Variants in RASSF5 observed in about 807,000 individuals in gnomAD.
RASSF5 encodes ras association domain-containing protein 5.
In RASSF5, 25 loss-of-function variants were observed where a neutral mutation model predicts 40.5. That is an observed-to-expected ratio of 0.62 (90% confidence interval 0.45 to 0.86). The LOEUF (loss-of-function observed/expected upper bound fraction) is 0.86, where lower values mean the gene tolerates loss of function less well. RASSF5 is among the 40% of genes least tolerant of loss of function. RASSF5 has a pLI of 0.00. For synonymous variants in RASSF5, 246 were observed against 252.4 expected, an observed-to-expected ratio of 0.97 and a Z score of 0.24; for missense variants, 521 against 572.8, an observed-to-expected ratio of 0.91 and a Z score of 0.92.
chr1:206,547,442 C>G, intron 2 of RASSF5, among the ~76,000 whole-genome samples: 1 of 151,756 alleles, frequency 6.6e-6, no homozygotes, highest in Non-Finnish European at 1.5e-5. Flanking sequence ...ACTGCGCATG[C>G]GAGGGATCTA....
intron 2 of RASSF5, among the ~76,000 whole-genome samples, chr1:206,550,336 AC>A (rs1344906974): frequency 2.6e-5 from 4 of 152,172 alleles, no homozygotes; most frequent in African/African-American, 9.7e-5. Context: ...CCTGATTCGT[AC>A]TAGTTCATTT....
chr1:206,567,525 C>A (rs1668321113), intron 2 of RASSF5, among the ~76,000 whole-genome samples: 1 of 152,106 alleles, frequency 6.6e-6, no homozygotes, highest in African/African-American at 2.4e-5. Flanking sequence ...CTGAAGGGAG[C>A]CTGTCCCTGG....
At chr1:206,538,831 A>G (rs1201256908) in intron 2 of RASSF5, among the ~76,000 whole-genome samples, 2 of 152,370 alleles carry the variant, frequency 1.3e-5, no homozygotes, top group African/African-American at 4.8e-5. Context: ...GAATGGAGAC[A>G]GAGGAGTGTG....
At chr1:206,551,483 G>A (rs879960215) in intron 2 of RASSF5, among the ~76,000 whole-genome samples, 1 of 152,222 alleles carries the variant, frequency 6.6e-6, no homozygotes, top group East Asian at 1.9e-4. Context: ...GAAGCCAGAA[G>A]TGCTGGCCAA....
intron 2 of RASSF5, among the ~76,000 whole-genome samples, chr1:206,569,371 A>C (rs116586747): frequency 0.011 from 1,668 of 152,318 alleles, 32 homozygotes; most frequent in African/African-American, 0.038. Context: ...TGGCTAGCCA[A>C]GGTGGTCTTG....
At chr1:206,545,354 T>G (rs1265995201) in intron 2 of RASSF5, among the ~76,000 whole-genome samples, 4 of 151,468 alleles carry the variant, frequency 2.6e-5, no homozygotes, top group South Asian at 2.1e-4. Context: ...TGTTTTTTTT[T>G]TTTTTTTTTT....
intron 1 of RASSF5, among the ~76,000 whole-genome samples, chr1:206,520,538 C>T (rs1558496865): frequency 1.3e-5 from 2 of 148,380 alleles, no homozygotes; most frequent in East Asian, 2.0e-4. Flanking sequence ...ATCCGGGAGG[C>T]GGAGGTTGCA....
rs533710674 is a variant in RASSF5 at position 206,518,327 on chromosome 1, C to T, written c.457+10268C>T. 195 of 397,816 alleles carry T rather than the reference C, an allele frequency of 4.9e-4. 1 individual carries two copies. The highest frequency in any genetic ancestry group is 3.9e-3 in the African/African-American group (189 of 48,734). 24.6% of individuals were successfully genotyped at this position (397,816 alleles called of 1,614,324 possible). A position where few individuals can be genotyped will look rare whatever the true frequency, so the allele number is the denominator to read the frequency against. On this transcript the variant is annotated intron_variant, in intron 1 of 5. Coordinates refer to ENST00000579436, the MANE Select transcript of RASSF5 (RefSeq NM_182663.4). The stretch of plus-strand genomic sequence containing the variant: ...CAGGGCCCTCCCCGGAGCCCTCCCC[C>T]ACCCGGCACTCCACCCCTGACGCCA...
At chr1:206,557,557 C>G (rs1209061507) in intron 2 of RASSF5, 13 of 1,613,274 alleles carry the variant, frequency 8.1e-6, no homozygotes, top group Non-Finnish European at 1.1e-5. Flanking sequence ...CGGCCTCGGC[C>G]GGGAACTCCG....
intron 2 of RASSF5, among the ~76,000 whole-genome samples, chr1:206,548,548 G>T (rs1553400588): frequency 6.6e-6 from 1 of 152,122 alleles, no homozygotes; most frequent in Non-Finnish European, 1.5e-5. Flanking sequence ...TAACATGAGG[G>T]GTCAGATTTC....
At position 206,535,582 on chromosome 1, in the gene RASSF5, A is replaced by G. The variant is rs17006638; in HGVS notation, c.458-2590A>G. On this transcript the variant is annotated intron_variant, in intron 1 of 5. Transcript: ENST00000579436. The surrounding 1 kb of genome is among the most constrained non-coding windows in gnomAD (Gnocchi z 5.0). ...CTGTGATTACATGGTCCGATGGAAC[A>G]AAGTCTTTGGTGCTCAAACATGCTT... 9.9e-3 allele frequency among the ~76,000 whole-genome samples: 1,504 copies of G among 152,302 alleles called. 25 individuals are homozygous for G. Among genetic ancestry groups the G allele is most frequent in the African/African-American group, 0.034 (1,427 of 41,552 alleles).
At chr1:206,549,277 C>CA (rs1667776251) in intron 2 of RASSF5, among the ~76,000 whole-genome samples, 1 of 152,104 alleles carries the variant, frequency 6.6e-6, no homozygotes, top group East Asian at 1.9e-4. Context: ...CCATCAAAGG[C>CA]ATTGTAAATT....
rs79890988 is a variant in RASSF5, at chr1:206,578,686, C to T, written c.580-4583C>T. On this transcript the variant is annotated intron_variant, in intron 2 of 5. Transcript: ENST00000579436. ...ATGTATATAATAGCTGCAGTACTGC[C>T]GGTGGGACACACGTCCTCCTCAGCC... Among the ~76,000 whole-genome samples, 511 of 152,164 alleles carry T rather than the reference C, an allele frequency of 3.4e-3. 4 individuals are homozygous for T. Among genetic ancestry groups the T allele is most frequent in the African/African-American group, 0.012 (481 of 41,488 alleles).
chr1:206,516,625 T>A (rs1666751833), intron 1 of RASSF5, among the ~76,000 whole-genome samples: 1 of 151,928 alleles, frequency 6.6e-6, no homozygotes, highest in Non-Finnish European at 1.5e-5. Context: ...CCCGGATAAT[T>A]TTTTTGTATT....
Position 206,560,239 on chromosome 1 carries a change from A to G in RASSF5, c.579+21946A>G, listed in dbSNP as rs1668101018. ...GTCAGAACAACCTGTGTGGCTGCTCAGTTTGTGCCTGGCTAGAACAGAGCT... is the reference window on the plus strand; with the variant it reads ...GTCAGAACAACCTGTGTGGCTGCTCGGTTTGTGCCTGGCTAGAACAGAGCT... On this transcript the variant is annotated intron_variant, in intron 2 of 5. Coordinates refer to ENST00000579436, the MANE Select transcript of RASSF5 (RefSeq NM_182663.4). This position sits in a 1 kb window ranked among gnomAD's most constrained non-coding sequence, Gnocchi z 5.1. Among the ~76,000 whole-genome samples, 1 of 152,198 alleles carries G rather than the reference A, an allele frequency of 6.6e-6. No individual in the cohort carries two copies. Among genetic ancestry groups the G allele is most frequent in the Admixed American group, 6.5e-5 (1 of 15,274 alleles).
At chr1:206,576,978 ATT>A (rs36057143) in intron 2 of RASSF5, among the ~76,000 whole-genome samples, 46 of 145,308 alleles carry the variant, frequency 3.2e-4, no homozygotes, top group African/African-American at 1.1e-3. Flanking sequence ...TAATTTTTGT[ATT>A]TTTTTTTTTT....
chr1:206,510,184 A>G (rs1361863340), intron 1 of RASSF5, among the ~76,000 whole-genome samples: 1 of 152,176 alleles, frequency 6.6e-6, no homozygotes, highest in Non-Finnish European at 1.5e-5. Context: ...CTTTAAGTTG[A>G]AGGTCTGATT....
intron 1 of RASSF5, among the ~76,000 whole-genome samples, chr1:206,514,825 G>A (rs925148126): frequency 3.7e-4 from 56 of 152,234 alleles, no homozygotes; most frequent in African/African-American, 1.2e-4. Flanking sequence ...GCTAGGATGA[G>A]TATATTCACA....
At chr1:206,563,721 G>A (rs1668212081) in intron 2 of RASSF5, among the ~76,000 whole-genome samples, 1 of 152,172 alleles carries the variant, frequency 6.6e-6, no homozygotes, top group Non-Finnish European at 1.5e-5. Context: ...GGAAATATTT[G>A]GTAATTGACT....
Sources: allele counts gnomAD v4.1 joint callset (sites outside exome capture counted in the v4.1 genomes callset), GRCh38; gene constraint gnomAD v4.1.1; non-coding constraint Gnocchi (gnomAD v3.1); transcripts MANE v1.5; gene names NCBI Gene and HGNC (gene_info 2026-07-23, HGNC 2026-07-21).